Variants in METTL15 observed in about 807,000 individuals in gnomAD.
METTL15 encodes the protein 12S rRNA N(4)-cytidine methyltransferase METTL15.
METTL15 carries 34 observed loss-of-function variants against 38.3 expected under a neutral mutation model. That is an observed-to-expected ratio of 0.89 (90% confidence interval 0.68 to 1.18). METTL15 has a LOEUF of 1.18. Among genes scored for constraint, METTL15 ranks in the 50% most tolerant of loss-of-function variants. The pLI, the probability that METTL15 is intolerant of heterozygous loss-of-function variation, is 0.00. For missense variants in METTL15, 438 were observed against 498.4 expected (o/e 0.88, Z 1.15); for synonymous variants, 162 against 170.9 (o/e 0.95, Z 0.41).
chr11:28,477,455 T>C (rs1192910470), intron 6 of METTL15: 2 of 152,182 alleles, frequency 1.3e-5, no homozygotes, highest in Non-Finnish European at 2.9e-5. Context: ...GTGCTGGGCA[T>C]ATTGCAATTT....
In METTL15 at chr11:28,256,508, T is replaced by C. The variant is rs781668093; in HGVS notation, c.408-33698T>C. ...ATTGGCATATAGTCATTCATAGTAGTCACTAATGATGCTTTGGATTTCTGT... is the reference window on the plus strand; with the variant it reads ...ATTGGCATATAGTCATTCATAGTAGCCACTAATGATGCTTTGGATTTCTGT... On this transcript the variant is annotated intron_variant, in intron 4 of 6. Transcript: ENST00000407364. 3.3e-5 allele frequency among the ~76,000 whole-genome samples: 5 copies of C among 152,298 alleles called. No individual in the cohort carries two copies. The South Asian group carries it at 8.3e-4, about 25-fold the overall frequency.
intron 4 of METTL15, among the ~76,000 whole-genome samples, chr11:28,230,976 A>G (rs941013697): frequency 4.1e-4 from 62 of 152,008 alleles, no homozygotes; most frequent in African/African-American, 1.2e-3. Context: ...GTAAACCTCT[A>G]TGAGATCAGG....
intron 4 of METTL15, among the ~76,000 whole-genome samples, chr11:28,212,852 C>A (rs1237825499): frequency 1.3e-5 from 2 of 152,120 alleles, no homozygotes; most frequent in Non-Finnish European, 2.9e-5. Context: ...ATTGTTGTTT[C>A]TTAAGGCAAT....
chr11:28,132,165 T>G (rs918569730), intron 3 of METTL15, among the ~76,000 whole-genome samples: 2 of 152,208 alleles, frequency 1.3e-5, no homozygotes, highest in African/African-American at 4.8e-5. Context: ...TTAATTGTTA[T>G]GCTTCTTGGG....
chr11:28,123,964 T>A, intron 3 of METTL15: 1 of 1,007,784 alleles, frequency 9.9e-7, no homozygotes, highest in Non-Finnish European at 1.4e-6. Context: ...AATAACAACA[T>A]AGAGTTGTAT....
chr11:28,512,209 C>T (rs1851680626), intron 6 of METTL15, among the ~76,000 whole-genome samples: 1 of 152,174 alleles, frequency 6.6e-6, no homozygotes, highest in Non-Finnish European at 1.5e-5. Flanking sequence ...CATTTACAAC[C>T]CTTAGCTAGA....
chr11:28,424,957 T>C (rs1590369605), intron 6 of METTL15, among the ~76,000 whole-genome samples: 1 of 152,306 alleles, frequency 6.6e-6, no homozygotes, highest in East Asian at 1.9e-4. Flanking sequence ...GTTGAAACTA[T>C]AGCAAGTTCC....
At chr11:28,381,037 C>T (rs561844803) in intron 5 of METTL15, among the ~76,000 whole-genome samples, 13 of 152,236 alleles carry the variant, frequency 8.5e-5, no homozygotes, top group African/African-American at 2.2e-4. Context: ...GTCATCTAGG[C>T]GGAAGTCCAG....
intron 4 of METTL15, among the ~76,000 whole-genome samples, chr11:28,214,888 A>G (rs1852797000): frequency 6.6e-6 from 1 of 152,232 alleles, no homozygotes; most frequent in African/African-American, 2.4e-5. Context: ...CTCTAGGGAC[A>G]ACAAGGAAGT....
At chr11:28,191,862 A>G (rs545992477) in intron 3 of METTL15, among the ~76,000 whole-genome samples, 12 of 151,738 alleles carry the variant, frequency 7.9e-5, no homozygotes, top group Non-Finnish European at 1.5e-4. Flanking sequence ...TTTCTGCCTA[A>G]TTTTCCTCCC....
intron 6 of METTL15, among the ~76,000 whole-genome samples, chr11:28,438,838 C>A (rs1223055461): frequency 6.6e-6 from 1 of 151,748 alleles, no homozygotes; most frequent in Non-Finnish European, 1.5e-5. Context: ...CCATGCCCAG[C>A]TAATTTTTGT....
downstream of METTL15, among the ~76,000 whole-genome samples, chr11:28,334,478 T>G (rs531018633): frequency 3.3e-5 from 5 of 152,196 alleles, no homozygotes; most frequent in South Asian, 8.3e-4. Context: ...TAGACAGGGA[T>G]AAGCATTTAA....
intron 4 of METTL15, among the ~76,000 whole-genome samples, chr11:28,284,230 A>C (rs1359272665): frequency 1.3e-5 from 2 of 152,142 alleles, no homozygotes; most frequent in South Asian, 2.1e-4. Context: ...ATACTTGTAC[A>C]TTATAATGTT....
At chr11:28,380,476 G>A (rs1408486615) in intron 5 of METTL15, among the ~76,000 whole-genome samples, 2 of 152,076 alleles carry the variant, frequency 1.3e-5, no homozygotes, top group African/African-American at 2.4e-5. Flanking sequence ...TAGATTCATT[G>A]TTATTACTGA....
At chr11:28,416,552 C>G (rs1162607095) in intron 5 of METTL15, among the ~76,000 whole-genome samples, 1 of 152,230 alleles carries the variant, frequency 6.6e-6, no homozygotes, top group Non-Finnish European at 1.5e-5. Flanking sequence ...ACAGGAGCCT[C>G]TCTTGCCTGT....
intron 6 of METTL15, among the ~76,000 whole-genome samples, chr11:28,504,267 A>G (rs572268689): frequency 1.3e-5 from 2 of 152,024 alleles, no homozygotes; most frequent in African/African-American, 2.4e-5. Context: ...TTCAGGGACC[A>G]GGCAGGTAAT....
At chr11:28,427,176 A>G (rs1850872912) in intron 6 of METTL15, among the ~76,000 whole-genome samples, 1 of 152,162 alleles carries the variant, frequency 6.6e-6, no homozygotes, top group Admixed American at 6.5e-5. Context: ...TCCAAGCACC[A>G]TTTATTAAAT....
At chr11:28,378,427 A>T (rs975051072) in intron 5 of METTL15, among the ~76,000 whole-genome samples, 1 of 152,172 alleles carries the variant, frequency 6.6e-6, no homozygotes, top group Non-Finnish European at 1.5e-5. Context: ...TCCAGGTGCC[A>T]TTCGTCACCC....
At chr11:28,141,719 A>G (rs1457547182) in intron 3 of METTL15, among the ~76,000 whole-genome samples, 1 of 152,102 alleles carries the variant, frequency 6.6e-6, no homozygotes, top group African/African-American at 2.4e-5. Flanking sequence ...AAATAAGATA[A>G]AATAAAATAA....
Sources: gnomAD v4.1 joint callset for allele counts (sites outside exome capture counted in the v4.1 genomes callset) on GRCh38, gnomAD v4.1.1 for gene constraint, MANE v1.5 for transcripts, NCBI Gene and HGNC (gene_info 2026-07-23, HGNC 2026-07-21) for gene names.